COL23A1: variants seen among roughly 807,000 people sequenced by gnomAD.
COL23A1 encodes the protein collagen alpha-1(XXIII) chain.
COL23A1 carries 97 observed loss-of-function variants against 99.3 expected under a neutral mutation model. The ratio of observed to expected loss-of-function variants is 0.98; its 90% CI spans 0.83 to 1.16. COL23A1 has a LOEUF of 1.16. Ranked by LOEUF, COL23A1 falls within the 50% of genes most tolerant of loss-of-function variation. COL23A1 has a pLI of 0.00. For synonymous variants in COL23A1, 320 were observed against 308.2 expected, an observed-to-expected ratio of 1.04 and a Z score of -0.40; for missense variants, 762 against 757.4, an observed-to-expected ratio of 1.01 and a Z score of -0.07.
Position 178,272,013 on chromosome 5 carries a change from C to T in COL23A1, c.442-1650G>A, listed in dbSNP as rs978657599. Among the ~76,000 whole-genome samples, 4 of 152,210 alleles carry T rather than the reference C, an allele frequency of 2.6e-5. No individual in the cohort carries two copies. In the South Asian group the frequency reaches 8.3e-4, roughly 31 times the overall value. On this transcript the variant is annotated intron_variant, in intron 5 of 28. Transcript: ENST00000390654. The stretch of plus-strand genomic sequence containing the variant: ...CGCTGGCTGAGGACGGACTCCCAGG[C>T]CCAGCATCAGGGTCCTCTGTGGTTA...
intron 5 of COL23A1, among the ~76,000 whole-genome samples, chr5:178,284,519 G>A (rs10464068): frequency 0.13 from 20,376 of 152,166 alleles, 1,812 homozygotes; most frequent in East Asian, 0.41. Flanking sequence ...CACATCAAAA[G>A]CCTTACACAT....
intron 2 of COL23A1, among the ~76,000 whole-genome samples, chr5:178,386,146 A>C (rs1763657113): frequency 6.6e-6 from 1 of 152,174 alleles, no homozygotes; most frequent in South Asian, 2.1e-4. Flanking sequence ...TATTATTAAA[A>C]ATACAACATA....
intron 1 of COL23A1, among the ~76,000 whole-genome samples, chr5:178,587,181 G>A (rs1358044536): frequency 1.3e-5 from 2 of 152,218 alleles, no homozygotes; most frequent in Non-Finnish European, 1.5e-5. Context: ...AGCACTTTAA[G>A]AGGAAAATAT....
At chr5:178,399,626 T>G (rs1764330575) in intron 2 of COL23A1, among the ~76,000 whole-genome samples, 1 of 152,102 alleles carries the variant, frequency 6.6e-6, no homozygotes, top group South Asian at 2.1e-4. Context: ...GTTTACCCAG[T>G]TTTAAAACAA....
chr5:178,258,617 T>C (rs550227546), intron 12 of COL23A1, among the ~76,000 whole-genome samples: 4 of 151,806 alleles, frequency 2.6e-5, no homozygotes, highest in East Asian at 3.9e-4. Flanking sequence ...GGATGGTCTC[T>C]ATCTCCTGAC....
intron 1 of COL23A1, among the ~76,000 whole-genome samples, chr5:178,565,598 T>C (rs1302436739): frequency 6.6e-6 from 1 of 152,134 alleles, no homozygotes; most frequent in African/African-American, 2.4e-5. Flanking sequence ...CAAGACTGGA[T>C]TACATATTAT....
chr5:178,250,190 A>G (rs1425400999), intron 17 of COL23A1, 85 bp from the exon 18 acceptor site: 2 of 1,530,198 alleles, frequency 1.3e-6, no homozygotes, highest in Non-Finnish European at 1.8e-6. Context: ...CACACTGTGC[A>G]CCCGGCCCAG....
intron 2 of COL23A1, among the ~76,000 whole-genome samples, chr5:178,473,122 G>A (rs10040117): frequency 6.6e-6 from 1 of 150,720 alleles, no homozygotes; most frequent in Non-Finnish European, 1.5e-5. Context: ...GACTCTCTTC[G>A]CCATCCCCCC....
rs556086201 is a variant in COL23A1, at chr5:178,428,739, T to C, written c.362-121820A>G. 1.3e-5 allele frequency among the ~76,000 whole-genome samples: 2 copies of C among 152,324 alleles called. No individual in the cohort carries two copies. Among genetic ancestry groups the C allele is most frequent in the East Asian group, 3.9e-4 (2 of 5,174 alleles). ...TGTCACTCTCTTGGCCTGTGATCAT[T>C]CATTTCAGGGCCTCATTTTGTTCCT... On this transcript the variant is annotated intron_variant, in intron 2 of 28. Transcript: ENST00000390654. The surrounding 1 kb of genome is among the most constrained non-coding windows in gnomAD (Gnocchi z 5.0).
intron 1 of COL23A1, among the ~76,000 whole-genome samples, chr5:178,584,179 TTGG>T (rs1173131352): frequency 6.6e-6 from 1 of 152,002 alleles, no homozygotes; most frequent in Non-Finnish European, 1.5e-5. Flanking sequence ...CTGGCTAAAT[TTGG>T]TGTTTTTAGT....
chr5:178,369,914 G>A (rs1475029545), intron 2 of COL23A1, among the ~76,000 whole-genome samples: 1 of 152,216 alleles, frequency 6.6e-6, no homozygotes, highest in African/African-American at 2.4e-5. Flanking sequence ...CATGCCACGG[G>A]CCAGGATTTA....
chr5:178,567,984 T>A (rs1372681950), intron 1 of COL23A1, among the ~76,000 whole-genome samples: 1 of 152,188 alleles, frequency 6.6e-6, no homozygotes, highest in Non-Finnish European at 1.5e-5. Flanking sequence ...AATGGAGAAA[T>A]CTGGCAGATT....
At chr5:178,539,345 G>A (rs911058724) in intron 2 of COL23A1, among the ~76,000 whole-genome samples, 2 of 152,018 alleles carry the variant, frequency 1.3e-5, no homozygotes, top group South Asian at 4.2e-4. Context: ...TCAGGAGTTC[G>A]AGACCAGCCT....
At chr5:178,405,978 C>T (rs540827249) in intron 2 of COL23A1, among the ~76,000 whole-genome samples, 1 of 152,292 alleles carries the variant, frequency 6.6e-6, no homozygotes, top group Non-Finnish European at 1.5e-5. Flanking sequence ...TGGCATGCAA[C>T]TGTAGTCCCA....
At chr5:178,561,026 C>T (rs750453695) in intron 1 of COL23A1, among the ~76,000 whole-genome samples, 11 of 152,172 alleles carry the variant, frequency 7.2e-5, no homozygotes, top group Admixed American at 2.0e-4. Context: ...CCAAGAGTTA[C>T]GACAGAAACA....
intron 2 of COL23A1, among the ~76,000 whole-genome samples, chr5:178,382,431 TC>T (rs1763433678): frequency 6.6e-6 from 1 of 152,098 alleles, no homozygotes. Context: ...GCCCTCCTCC[TC>T]CTCTGGAGGC....
rs760769290 is a variant in COL23A1 at position 178,429,425 on chromosome 5, T to G, written c.362-122506A>C. ...AAATGCCAGGACCTCAAACTCACCA[T>G]GCCAAAGCGAAAGTTAAGCTCAGAA... On this transcript the variant is annotated intron_variant, in intron 2 of 28. Coordinates refer to ENST00000390654, the MANE Select transcript of COL23A1 (RefSeq NM_173465.4). Among the ~76,000 whole-genome samples, 3 of 152,226 alleles carry G rather than the reference T, an allele frequency of 2.0e-5. No individual in the cohort carries two copies. In the South Asian group the frequency reaches 6.2e-4, roughly 32 times the overall value.
At chr5:178,576,230 GTT>G (rs1174730109) in intron 1 of COL23A1, among the ~76,000 whole-genome samples, 1 of 152,102 alleles carries the variant, frequency 6.6e-6, no homozygotes, top group Admixed American at 6.6e-5. Flanking sequence ...GCCCACTGGC[GTT>G]GCCATTCATT....
chr5:178,350,781 T>G (rs1359824713), intron 2 of COL23A1: 1 of 152,398 alleles, frequency 6.6e-6, no homozygotes, highest in Non-Finnish European at 1.5e-5. Context: ...CCCCTGGCCT[T>G]GACTGAAGCT....
Sources: gnomAD v4.1 joint callset for allele counts (sites outside exome capture counted in the v4.1 genomes callset) on GRCh38, gnomAD v4.1.1 for gene constraint, Gnocchi (gnomAD v3.1) non-coding constraint, MANE v1.5 for transcripts, NCBI Gene and HGNC (gene_info 2026-07-23, HGNC 2026-07-21) for gene names.